RERE: variants seen among roughly 807,000 people sequenced by gnomAD.
RERE encodes the protein arginine-glutamic acid dipeptide repeats, also known as arginine-glutamic acid dipeptide repeats protein.
Under a neutral mutation model 146.1 loss-of-function variants are expected in RERE, and 40 were observed. The observed-to-expected ratio is 0.27, with a 90% CI of 0.21 to 0.36. The LOEUF is 0.36. Ranked by LOEUF, RERE falls within the 10% of genes least tolerant of loss-of-function variation. RERE has a pLI of 1.00. For synonymous variants in RERE, 1,003 were observed against 866.0 expected (o/e 1.16, Z -2.78); for missense variants, 1,933 against 2,138.7 (o/e 0.90, Z 1.90).
intron 1 of RERE, among the ~76,000 whole-genome samples, chr1:8,732,094 C>T (rs1485738612): frequency 6.6e-6 from 1 of 152,198 alleles, no homozygotes; most frequent in East Asian, 1.9e-4. Context: ...TGAGCCACCA[C>T]GCCCAGCCTG....
intron 7 of RERE, among the ~76,000 whole-genome samples, chr1:8,515,398 G>A (rs1018500287): frequency 2.0e-5 from 3 of 149,108 alleles, no homozygotes; most frequent in Admixed American, 6.6e-5. Context: ...TGGCTCACCT[G>A]AGGCAGGCAG....
chr1:8,758,211 G>C (rs890384933), intron 1 of RERE, among the ~76,000 whole-genome samples: 2 of 151,160 alleles, frequency 1.3e-5, no homozygotes, highest in Admixed American at 6.6e-5. Flanking sequence ...TGAGTCTCTC[G>C]AGTAGCTGGG....
intron 10 of RERE, among the ~76,000 whole-genome samples, chr1:8,468,246 T>C (rs1489473218): frequency 6.6e-6 from 1 of 152,164 alleles, no homozygotes; most frequent in Non-Finnish European, 1.5e-5. Context: ...CTTTTAAAAA[T>C]AAAATACTAT....
intron 1 of RERE, among the ~76,000 whole-genome samples, chr1:8,690,437 A>G (rs945923316): frequency 5.3e-5 from 8 of 151,966 alleles, no homozygotes; most frequent in Non-Finnish European, 8.8e-5. Context: ...TTTTGAGGCA[A>G]TACAATTCAG....
intron 3 of RERE, among the ~76,000 whole-genome samples, chr1:8,616,700 T>G (rs1200999883): frequency 6.6e-6 from 1 of 152,186 alleles, no homozygotes; most frequent in Non-Finnish European, 1.5e-5. Context: ...TAGAGTCCCT[T>G]GACCCAAGTA....
rs1198665527 is a variant in RERE, at chr1:8,384,259, C to G, written c.1285-18285G>C. 3.3e-5 allele frequency among the ~76,000 whole-genome samples: 5 copies of G among 152,194 alleles called. No individual in the cohort carries two copies. In the East Asian group the frequency reaches 9.6e-4, roughly 29 times the overall value. On this transcript the variant is annotated intron_variant, in intron 12 of 22. Transcript: ENST00000400908. The stretch of plus-strand genomic sequence containing the variant: ...AAGCTGGGATGCACGGAGGTCCAGT[C>G]TCTCCCTGAGTCATGCGCATCCTGT...
intron 11 of RERE, among the ~76,000 whole-genome samples, chr1:8,430,964 T>C (rs946960778): frequency 3.3e-5 from 5 of 152,182 alleles, no homozygotes; most frequent in African/African-American, 7.2e-5. Flanking sequence ...ACTCATGCCA[T>C]TAAAGTCCGT....
chr1:8,484,016 T>C (rs553077886), intron 10 of RERE, among the ~76,000 whole-genome samples: 16 of 152,168 alleles, frequency 1.1e-4, no homozygotes, highest in Non-Finnish European at 2.1e-4. Context: ...ATAATTTGAA[T>C]TGTATTAGAA....
At chr1:8,583,318 A>G (rs190122935) in intron 4 of RERE, among the ~76,000 whole-genome samples, 87 of 152,348 alleles carry the variant, frequency 5.7e-4, no homozygotes, top group Admixed American at 5.6e-3. Flanking sequence ...ACCGCAAAAT[A>G]TAAGCAGGTT....
chr1:8,389,929 A>G (rs536937038), intron 12 of RERE, among the ~76,000 whole-genome samples: 66 of 152,310 alleles, frequency 4.3e-4, no homozygotes, highest in Non-Finnish European at 8.4e-4. Context: ...TATCTCCCCT[A>G]GGATCCTGTT....
chr1:8,377,184 C>A (rs1242350651), intron 12 of RERE, among the ~76,000 whole-genome samples: 2 of 152,222 alleles, frequency 1.3e-5, no homozygotes, highest in African/African-American at 4.8e-5. Flanking sequence ...ACTCCCACGA[C>A]ATGAGGGGAA....
chr1:8,360,385 G>A lies in RERE; in HGVS notation c.3122C>T (p.Pro1041Leu). 5 of 1,379,066 alleles carry A rather than the reference G, an allele frequency of 3.6e-6. No homozygotes were observed. The highest frequency in any genetic ancestry group is 4.7e-6 in the Non-Finnish European group (5 of 1,062,462). The allele number at this position is 1,379,066 out of a possible 1,614,324, so 85.4% of individuals were successfully genotyped here. A position where few individuals can be genotyped will look rare whatever the true frequency, so the allele number is the denominator to read the frequency against. Residue 1041 changes from proline (P) to leucine (L), a missense_variant, in exon 18 of 23, where the codon CCT (proline) becomes CTT (leucine). By Grantham distance (98) the Pro-to-Leu change is moderately conservative. This residue lies in a region of RERE where 1,255 missense variants were observed against 1,153.8 expected (regional missense o/e 1.09). Transcript: ENST00000400908. ...AGGGGTGATGGGAGGAGGGCCTCCA[G>A]GGACAAAGGGGTGCTGAGCAAACGG... ...QPPFAQHPFV[P>L]GGPPPITPPT...
intron 4 of RERE, among the ~76,000 whole-genome samples, chr1:8,582,978 G>C (rs554878335): frequency 6.6e-6 from 1 of 152,276 alleles, no homozygotes; most frequent in South Asian, 2.1e-4. Context: ...ATCAATGGGG[G>C]TTGGGGACAA....
intron 4 of RERE, among the ~76,000 whole-genome samples, chr1:8,575,561 A>ATATATATATATATATATTTT (rs1337650659): frequency 1.0e-5 from 1 of 98,680 alleles, no homozygotes; most frequent in African/African-American, 4.6e-5. Context: ...ATATATATAT[A>ATATATATATATATATATTTT]TTTTTTTTTT....
At chr1:8,444,433 CTCAGA>C (rs1448434162) in intron 11 of RERE, among the ~76,000 whole-genome samples, 1 of 152,116 alleles carries the variant, frequency 6.6e-6, no homozygotes, top group African/African-American at 2.4e-5. Flanking sequence ...CTTGCCTTGT[CTCAGA>C]TAAGACTTAG....
chr1:8,771,909 CAAAAAAAAAAAA>C (rs768264978), intron 1 of RERE, among the ~76,000 whole-genome samples: 2 of 59,448 alleles, frequency 3.4e-5, no homozygotes, highest in South Asian at 6.3e-4. Flanking sequence ...GACTCTGTCT[CAAAAAAAAAAAA>C]AAAAAAAAGA....
intron 1 of RERE, among the ~76,000 whole-genome samples, chr1:8,705,125 A>T (rs182523299): frequency 6.6e-6 from 1 of 152,326 alleles, no homozygotes; most frequent in Admixed American, 6.5e-5. Flanking sequence ...TTTCTTTTCT[A>T]CAGACCATTT....
At chr1:8,598,829 C>T (rs149367866) in intron 4 of RERE, among the ~76,000 whole-genome samples, 2 of 152,326 alleles carry the variant, frequency 1.3e-5, no homozygotes, top group African/African-American at 4.8e-5. Flanking sequence ...CACAGCTTTG[C>T]CCATACTCTT....
chr1:8,669,710 AGGAATTCTT>A (rs1638671026), intron 1 of RERE, among the ~76,000 whole-genome samples: 1 of 152,228 alleles, frequency 6.6e-6, no homozygotes, highest in African/African-American at 2.4e-5. Flanking sequence ...TTTAATATAC[AGGAATTCTT>A]GGTCAGGCTT....
Sources: allele counts gnomAD v4.1 joint callset (sites outside exome capture counted in the v4.1 genomes callset), GRCh38; gene constraint gnomAD v4.1.1; regional missense constraint gnomAD v4.1.1; transcripts MANE v1.5; gene names NCBI Gene and HGNC (gene_info 2026-07-23, HGNC 2026-07-21).